Variants in TTC3 observed in about 807,000 individuals in gnomAD.
The protein encoded by TTC3 is E3 ubiquitin-protein ligase TTC3.
A neutral mutation model predicts 249.6 loss-of-function variants in TTC3; 180 were observed. The observed-to-expected ratio is 0.72, with a 90% CI of 0.64 to 0.82. The LOEUF (loss-of-function observed/expected upper bound fraction) is 0.82. TTC3 is among the 40% of genes least tolerant of loss of function. The pLI is 0.00. For synonymous variants in TTC3, 717 were observed against 805.0 expected, an observed-to-expected ratio of 0.89 and a Z score of 1.85; for missense variants, 2,061 against 2,398.4, an observed-to-expected ratio of 0.86 and a Z score of 2.94.
intron 11 of TTC3, among the ~76,000 whole-genome samples, chr21:37,116,555 TC>T (rs2076157411): frequency 6.6e-6 from 1 of 152,136 alleles, no homozygotes; most frequent in Non-Finnish European, 1.5e-5. Context: ...ACACCTGTAA[TC>T]CTAGCACTTC....
chr21:37,137,718 G>A (rs761494806), intron 18 of TTC3, among the ~76,000 whole-genome samples: 2 of 152,160 alleles, frequency 1.3e-5, no homozygotes, highest in Non-Finnish European at 2.9e-5. Flanking sequence ...TCTAGTGTGG[G>A]TAAAATACTG....
chr21:37,154,811 T>C (rs980496724), intron 27 of TTC3, among the ~76,000 whole-genome samples: 1 of 152,178 alleles, frequency 6.6e-6, no homozygotes, highest in Non-Finnish European at 1.5e-5. Context: ...TTCTCCTGCC[T>C]CAGCCTCCCG....
intron 17 of TTC3, 86 bp from the exon 18 acceptor site, chr21:37,135,294 A>C: frequency 7.2e-7 from 1 of 1,389,852 alleles, no homozygotes; most frequent in South Asian, 1.4e-5. Flanking sequence ...CATTAGTTAT[A>C]AAATATTACT....
intron 44 of TTC3, among the ~76,000 whole-genome samples, chr21:37,199,228 G>A (rs921781509): frequency 3.6e-4 from 55 of 152,190 alleles, no homozygotes; most frequent in African/African-American, 1.3e-3. Flanking sequence ...CCACTGCCAG[G>A]GCTGCCTGCA....
At chr21:37,165,715 C>T (rs1267912348) in exon 33 of TTC3, 1 of 1,613,584 alleles carries the variant, frequency 6.2e-7, no homozygotes, top group South Asian at 1.1e-5. Context: ...TGATTGACAA[C>T]TGTATTGCAC....
At chr21:37,145,181 G>T (rs764304895) in intron 21 of TTC3, among the ~76,000 whole-genome samples, 1 of 152,180 alleles carries the variant, frequency 6.6e-6, no homozygotes, top group Non-Finnish European at 1.5e-5. Context: ...AAAGACTTAC[G>T]TGTGAAATGA....
intron 32 of TTC3, 25 bp from the exon 33 acceptor site, chr21:37,165,525 C>T: frequency 1.3e-6 from 2 of 1,544,818 alleles, no homozygotes; most frequent in Non-Finnish European, 1.8e-6. Context: ...TATAGTAACT[C>T]ATGTAAATGT....
In TTC3 at chr21:37,126,072, A is replaced by G; in HGVS notation, c.1234-8A>G. The G allele has an allele frequency of 3.8e-6, 6 of 1,592,290 alleles. No homozygotes were observed. The highest frequency in any genetic ancestry group is 5.1e-6 in the Non-Finnish European group (6 of 1,173,192). On this transcript the variant is annotated splice_region_variant and splice_polypyrimidine_tract_variant and intron_variant, in intron 14 of 45. Transcript: ENST00000355666. The stretch of plus-strand genomic sequence containing the variant: ...TTTTTTTTTAAGTCTCACTAATTTC[A>G]TTGGCAGGTGGCGGATGAGGCGTTG...
At chr21:37,087,179 C>A in intron 1 of TTC3, 68 bp from the exon 2 acceptor site, 1 of 1,548,480 alleles carries the variant, frequency 6.5e-7, no homozygotes, top group Non-Finnish European at 8.8e-7. Flanking sequence ...ACCATAGAAG[C>A]CAGGAAAACT....
chr21:37,144,554 A>C, exon 21 of TTC3: 1 of 1,612,384 alleles, frequency 6.2e-7, no homozygotes, highest in Non-Finnish European at 8.5e-7. Flanking sequence ...CACTTTGAGA[A>C]AGCAAGAACC....
intron 36 of TTC3, among the ~76,000 whole-genome samples, chr21:37,183,145 A>G (rs2082913007): frequency 6.6e-6 from 1 of 152,214 alleles, no homozygotes; most frequent in Non-Finnish European, 1.5e-5. Context: ...TGAGAGTAGC[A>G]TGGAACTGAG....
At chr21:37,089,638 C>G (rs570752116) in intron 5 of TTC3, among the ~76,000 whole-genome samples, 2 of 152,068 alleles carry the variant, frequency 1.3e-5, no homozygotes, top group Non-Finnish European at 2.9e-5. Flanking sequence ...CTCAGCCTCC[C>G]GAGTAGCTGG....
In TTC3 at chr21:37,195,876, C is replaced by CCAAAA; in HGVS notation, c.5421_5425dup (p.Arg1809GlnfsTer75). On this transcript the variant is annotated frameshift_variant, in exon 42 of 46. Transcript: ENST00000355666. LOFTEE classifies it high-confidence loss of function. ...GCCTGAAGCCACTCAGCTGACAGGG[C>CCAAAA]CAAAACGGGCTGGCCAGGCAGCTCT... 6.2e-7 allele frequency: 1 copy of CCAAAA among 1,614,258 alleles called. No individual in the cohort carries two copies. Among genetic ancestry groups the CCAAAA allele is most frequent in the Non-Finnish European group, 8.5e-7 (1 of 1,180,042 alleles).
chr21:37,110,382 A>C (rs2075544807), intron 11 of TTC3, among the ~76,000 whole-genome samples: 2 of 152,374 alleles, frequency 1.3e-5, no homozygotes, highest in East Asian at 1.9e-4. Context: ...TGGAGCTGAA[A>C]ACCACGGCAC....
At chr21:37,075,329 G>T (rs1248700832) in intron 1 of TTC3, among the ~76,000 whole-genome samples, 1 of 152,054 alleles carries the variant, frequency 6.6e-6, no homozygotes, top group Non-Finnish European at 1.5e-5. Context: ...CTTTGAACTT[G>T]TTTCAGTTTT....
At chr21:37,104,081 A>G (rs2074805598) in intron 10 of TTC3, among the ~76,000 whole-genome samples, 1 of 152,188 alleles carries the variant, frequency 6.6e-6, no homozygotes, top group Admixed American at 6.5e-5. Context: ...TGGGAATGGA[A>G]AAGTAGAAGG....
At chr21:37,184,629 AT>A (rs765134090) in intron 36 of TTC3, among the ~76,000 whole-genome samples, 113 of 121,536 alleles carry the variant, frequency 9.3e-4, no homozygotes, top group Non-Finnish European at 9.3e-4. Context: ...TAATTTTTCT[AT>A]TTTTTTTTTT....
intron 13 of TTC3, among the ~76,000 whole-genome samples, chr21:37,123,632 G>A (rs2076804077): frequency 6.6e-6 from 1 of 152,150 alleles, no homozygotes; most frequent in African/African-American, 2.4e-5. Flanking sequence ...TAATTCTGTA[G>A]CATGCTGAAC....
chr21:37,155,658 A>C (rs1469007699), intron 27 of TTC3, among the ~76,000 whole-genome samples: 1 of 152,124 alleles, frequency 6.6e-6, no homozygotes, highest in Non-Finnish European at 1.5e-5. Flanking sequence ...TTTATATTAG[A>C]GGCATGATGG....
Sources: allele counts gnomAD v4.1 joint callset (sites outside exome capture counted in the v4.1 genomes callset), GRCh38; gene constraint gnomAD v4.1.1; transcripts MANE v1.5; gene names NCBI Gene and HGNC (gene_info 2026-07-23, HGNC 2026-07-21).